The following TRAP1 variants were observed in gnomAD, a reference collection of about 807,000 sequenced individuals.
TRAP1 encodes heat shock protein 75 kDa, mitochondrial.
TRAP1 carries 102 observed loss-of-function variants against 89.1 expected under a neutral mutation model. That is an observed-to-expected ratio of 1.15 (90% confidence interval 0.98 to 1.35). The LOEUF (loss-of-function observed/expected upper bound fraction) is 1.35, where lower values mean the gene tolerates loss of function less well. Among genes scored for constraint, TRAP1 ranks in the 40% most tolerant of loss-of-function variants. The pLI, the probability that TRAP1 is intolerant of heterozygous loss-of-function variation, is 0.00. For missense variants in TRAP1, 1,256 were observed against 945.3 expected (o/e 1.33, Z -4.31); for synonymous variants, 508 against 388.0 (o/e 1.31, Z -3.64).
At chr16:3,701,486 G>A (rs1229463792) in intron 1 of TRAP1, among the ~76,000 whole-genome samples, 1 of 151,268 alleles carries the variant, frequency 6.6e-6, no homozygotes, top group African/African-American at 2.4e-5. Context: ...CCGAGGCAGA[G>A]GTTGCAGTGA....
rs1341085453 is a variant in TRAP1 at position 3,700,688 on chromosome 16, A to C, written c.89-9703T>G. Among the ~76,000 whole-genome samples the C allele has an allele frequency of 4.0e-5, 6 of 151,120 alleles. No homozygotes were observed. In the East Asian group the frequency reaches 1.2e-3, roughly 30 times the overall value. ...TCCATGTTGCCCAGGCTGGTCTCAA[A>C]CTCTGGGGCTCAAGGGATCCTCCTG... On this transcript the variant is annotated intron_variant, in intron 1 of 17. Transcript: ENST00000246957.
At chr16:3,680,569 GCGGGCACA>G (rs1462671315) in intron 4 of TRAP1, among the ~76,000 whole-genome samples, 3 of 152,254 alleles carry the variant, frequency 2.0e-5, no homozygotes, top group African/African-American at 7.2e-5. Context: ...CATGGGAACA[GCGGGCACA>G]GACGCCTCTC....
intron 2 of TRAP1, among the ~76,000 whole-genome samples, chr16:3,690,101 G>T (rs1348455602): frequency 6.6e-6 from 1 of 151,980 alleles, no homozygotes; most frequent in Non-Finnish European, 1.5e-5. Context: ...CAACTTCCTG[G>T]GCTCAACCGA....
intron 2 of TRAP1, among the ~76,000 whole-genome samples, chr16:3,690,507 C>G (rs2051199002): frequency 6.6e-6 from 1 of 152,218 alleles, no homozygotes; most frequent in African/African-American, 2.4e-5. Flanking sequence ...GAATTCGGTC[C>G]TGCGCAGACT....
intron 1 of TRAP1, among the ~76,000 whole-genome samples, chr16:3,707,489 G>T (rs182245423): frequency 6.6e-6 from 1 of 151,460 alleles, no homozygotes; most frequent in East Asian, 2.0e-4. Flanking sequence ...CCGGCCTTAA[G>T]AGGAAATGTT....
At chr16:3,708,512 C>T (rs1157999762) in intron 1 of TRAP1, among the ~76,000 whole-genome samples, 1 of 151,960 alleles carries the variant, frequency 6.6e-6, no homozygotes, top group East Asian at 2.0e-4. Context: ...TGACGGGTGC[C>T]TGTAGTCCCA....
At chr16:3,697,371 A>C (rs1158336632) in intron 1 of TRAP1, among the ~76,000 whole-genome samples, 2 of 152,044 alleles carry the variant, frequency 1.3e-5, no homozygotes, top group African/African-American at 4.8e-5. Flanking sequence ...TTTATATATT[A>C]AGGAAATTAG....
chr16:3,691,051 TC>T (rs772432503), intron 1 of TRAP1, 66 bp from the exon 2 acceptor site: 13 of 1,396,128 alleles, frequency 9.3e-6, no homozygotes, highest in Non-Finnish European at 1.2e-5. Flanking sequence ...TGGTAATTCG[TC>T]CCATCAAGGG....
chr16:3,670,102 G>T (rs1596706706), intron 11 of TRAP1, among the ~76,000 whole-genome samples: 1 of 151,922 alleles, frequency 6.6e-6, no homozygotes. Flanking sequence ...ACAAAAACAG[G>T]CCGGGCGCAG....
chr16:3,711,616 A>AC (rs910030705), intron 1 of TRAP1, among the ~76,000 whole-genome samples: 1 of 152,052 alleles, frequency 6.6e-6, no homozygotes, highest in African/African-American at 2.4e-5. Context: ...ACAAAAAAAA[A>AC]ACAAAAACCA....
intron 2 of TRAP1, among the ~76,000 whole-genome samples, chr16:3,690,560 C>A (rs2051199632): frequency 6.6e-6 from 1 of 152,192 alleles, no homozygotes; most frequent in African/African-American, 2.4e-5. Flanking sequence ...TGATTATTAG[C>A]AGATGTGCCA....
chr16:3,691,994 C>T (rs1215473366), intron 1 of TRAP1, among the ~76,000 whole-genome samples: 4 of 152,114 alleles, frequency 2.6e-5, no homozygotes, highest in Non-Finnish European at 4.4e-5. Flanking sequence ...ACTTTCACTC[C>T]AACACAGGAC....
At position 3,673,407 on chromosome 16, in the gene TRAP1, C is replaced by T. The variant is rs370921068; in HGVS notation, c.1045-587G>A. 4.6e-5 allele frequency among the ~76,000 whole-genome samples: 7 copies of T among 152,304 alleles called. No homozygotes were observed. In the South Asian group the frequency reaches 8.3e-4, roughly 18 times the overall value. On this transcript the variant is annotated intron_variant, in intron 9 of 17. Transcript: ENST00000246957. ...CTGGGACCAGCTCCTGTCTGGCCCT[C>T]GTGGAACGTGCCTGCCAACACCTGC... is the stretch of plus-strand genomic sequence containing the variant.
At chr16:3,691,847 AAGG>A (rs1346182699) in intron 1 of TRAP1, among the ~76,000 whole-genome samples, 67 of 152,288 alleles carry the variant, frequency 4.4e-4, no homozygotes, top group East Asian at 9.6e-4. Context: ...TCTAACTAAG[AAGG>A]AGACTTGTCT....
chr16:3,712,370 C>G (rs917348623), intron 1 of TRAP1, among the ~76,000 whole-genome samples: 4 of 148,644 alleles, frequency 2.7e-5, no homozygotes, highest in Non-Finnish European at 4.4e-5. Context: ...CAGTAACAGC[C>G]TCTTTCATGG....
At chr16:3,662,384 G>A (rs954904774) in intron 15 of TRAP1, 15 of 583,450 alleles carry the variant, frequency 2.6e-5, no homozygotes, top group Non-Finnish European at 4.0e-5. Context: ...GGAGCTGCCC[G>A]AATCCATCGT....
At chr16:3,708,230 G>A (rs572992266) in intron 1 of TRAP1, among the ~76,000 whole-genome samples, 2 of 151,920 alleles carry the variant, frequency 1.3e-5, no homozygotes, top group Non-Finnish European at 2.9e-5. Context: ...GCTCACGCCT[G>A]TAATCACAGC....
intron 4 of TRAP1, among the ~76,000 whole-genome samples, chr16:3,682,242 C>T (rs961015971): frequency 6.6e-6 from 1 of 152,036 alleles, no homozygotes; most frequent in Non-Finnish European, 1.5e-5. Flanking sequence ...AGAGCTAAAG[C>T]TATAAAACCT....
At chr16:3,659,635 A>G (rs1433920602) in intron 16 of TRAP1, 1 of 152,196 alleles carries the variant, frequency 6.6e-6, no homozygotes, top group Non-Finnish European at 1.5e-5. Flanking sequence ...GGGGAACTGT[A>G]AATTTGTACA....
Sources: allele counts gnomAD v4.1 joint callset (sites outside exome capture counted in the v4.1 genomes callset), GRCh38; gene constraint gnomAD v4.1.1; transcripts MANE v1.5; gene names NCBI Gene and HGNC (gene_info 2026-07-23, HGNC 2026-07-21).